Variants in AGBL1 observed in about 807,000 individuals in gnomAD.
AGBL1 encodes cytosolic carboxypeptidase 4.
Under a neutral mutation model 118.9 loss-of-function variants are expected in AGBL1, and 130 were observed. That is an observed-to-expected ratio of 1.09 (90% CI 0.95 to 1.26). AGBL1 has a LOEUF of 1.26. AGBL1 is among the 50% of genes most tolerant of loss of function. The probability of loss-of-function intolerance (pLI) is 0.00; values close to 1 mark genes in which losing one functional copy is unlikely to be tolerated. For synonymous variants in AGBL1, 555 were observed against 478.9 expected, an observed-to-expected ratio of 1.16 and a Z score of -2.08; for missense variants, 1,584 against 1,298.1, an observed-to-expected ratio of 1.22 and a Z score of -3.38.
intron 23 of AGBL1, among the ~76,000 whole-genome samples, chr15:86,962,434 T>A (rs1021947350): frequency 3.9e-5 from 6 of 152,244 alleles, no homozygotes; most frequent in Non-Finnish European, 7.4e-5. Context: ...AACATCTTTT[T>A]TTTAATCATA....
chr15:86,779,524 C>T (rs79570421), intron 22 of AGBL1, among the ~76,000 whole-genome samples: 27 of 151,996 alleles, frequency 1.8e-4, no homozygotes, highest in East Asian at 3.9e-4. Context: ...CAGTATTGTA[C>T]CTGTCTTTTG....
At chr15:86,152,295 A>T (rs1372317688) in intron 3 of AGBL1, among the ~76,000 whole-genome samples, 1 of 152,236 alleles carries the variant, frequency 6.6e-6, no homozygotes, top group African/African-American at 2.4e-5. Flanking sequence ...TAACCAAAAC[A>T]GCATGGTACT....
chr15:86,241,869 C>T (rs548685718), intron 6 of AGBL1, among the ~76,000 whole-genome samples: 1 of 152,242 alleles, frequency 6.6e-6, no homozygotes, highest in Non-Finnish European at 1.5e-5. Context: ...AGCTTCTGTT[C>T]TTCTTGTTGT....
chr15:86,737,830 TA>T (rs1292573704), intron 22 of AGBL1, among the ~76,000 whole-genome samples: 1 of 152,232 alleles, frequency 6.6e-6, no homozygotes, highest in African/African-American at 2.4e-5. Context: ...TGCAGTATTT[TA>T]AAATGTAAAT....
chr15:86,378,830 C>A (rs951212477), intron 17 of AGBL1, among the ~76,000 whole-genome samples: 3 of 152,062 alleles, frequency 2.0e-5, no homozygotes, highest in African/African-American at 7.2e-5. Context: ...TGGAGGAGTT[C>A]ACCTGGACGC....
intron 18 of AGBL1, among the ~76,000 whole-genome samples, chr15:86,458,687 T>A (rs989900860): frequency 2.6e-5 from 4 of 152,174 alleles, no homozygotes; most frequent in African/African-American, 7.2e-5. Context: ...ATTTAAGAGA[T>A]GAGAACATTA....
chr15:86,967,920 A>G (rs1440209579), intron 23 of AGBL1, among the ~76,000 whole-genome samples: 1 of 152,118 alleles, frequency 6.6e-6, no homozygotes, highest in Non-Finnish European at 1.5e-5. Context: ...CTTGGGCAGT[A>G]TGGCCATTTT....
At chr15:86,395,448 G>A (rs1032897804) in intron 17 of AGBL1, among the ~76,000 whole-genome samples, 1 of 152,016 alleles carries the variant, frequency 6.6e-6, no homozygotes, top group African/African-American at 2.4e-5. Context: ...CTATTTTGGT[G>A]TTTTGTATAC....
chr15:86,377,721 T>G lies in AGBL1; in HGVS notation c.2375-19645T>G, dbSNP rs1436783500. 6.6e-5 allele frequency among the ~76,000 whole-genome samples: 10 copies of G among 152,266 alleles called. No homozygotes were observed. The South Asian group carries it at 2.1e-3, about 32-fold the overall frequency. On this transcript the variant is annotated intron_variant, in intron 17 of 22. Transcript: ENST00000614907. ...TAGGTTAGGGCCGCCCTCGTCCAGGTGGGGGCTGCCATGCTCACTAGGTCC... is the reference window on the plus strand; with the variant it reads ...TAGGTTAGGGCCGCCCTCGTCCAGGGGGGGGCTGCCATGCTCACTAGGTCC...
intron 17 of AGBL1, among the ~76,000 whole-genome samples, chr15:86,355,045 G>A (rs575169335): frequency 2.2e-4 from 34 of 152,172 alleles, no homozygotes; most frequent in Non-Finnish European, 4.4e-4. Flanking sequence ...AAAGAAATCT[G>A]AATAAGGCCA....
intron 22 of AGBL1, among the ~76,000 whole-genome samples, chr15:86,836,426 A>T (rs1447838790): frequency 1.3e-5 from 2 of 152,158 alleles, no homozygotes; most frequent in African/African-American, 2.4e-5. Flanking sequence ...AAATTAATTA[A>T]CACAGTGTAA....
intron 22 of AGBL1, among the ~76,000 whole-genome samples, chr15:86,830,520 G>C (rs1390010887): frequency 6.6e-6 from 1 of 152,128 alleles, no homozygotes; most frequent in Non-Finnish European, 1.5e-5. Flanking sequence ...CCCTGTGTTG[G>C]TGCAATCAGT....
intron 24 of AGBL1, among the ~76,000 whole-genome samples, chr15:87,022,970 A>C (rs893237275): frequency 2.6e-5 from 4 of 152,088 alleles, no homozygotes; most frequent in Admixed American, 2.0e-4. Flanking sequence ...AGTGCTCTAA[A>C]TTTTGAAACA....
chr15:86,632,795 G>A (rs1466699717), intron 21 of AGBL1, among the ~76,000 whole-genome samples: 1 of 82,362 alleles, frequency 1.2e-5, no homozygotes, highest in Admixed American at 1.4e-4. Flanking sequence ...TCTTCTGCCA[G>A]CGTAGTTTTG....
intron 18 of AGBL1, among the ~76,000 whole-genome samples, chr15:86,413,056 T>C (rs984216487): frequency 6.6e-6 from 1 of 152,226 alleles, no homozygotes; most frequent in Non-Finnish European, 1.5e-5. Context: ...TTATTTTGAT[T>C]CTAGATCCTG....
chr15:86,766,628 C>T (rs1326882634), intron 22 of AGBL1, among the ~76,000 whole-genome samples: 1 of 151,614 alleles, frequency 6.6e-6, no homozygotes, highest in Non-Finnish European at 1.5e-5. Context: ...GCCAAGATTC[C>T]CTTATTCATC....
chr15:86,857,650 T>C (rs76036244), intron 22 of AGBL1, among the ~76,000 whole-genome samples: 10 of 152,264 alleles, frequency 6.6e-5, no homozygotes, highest in Non-Finnish European at 1.3e-4. Flanking sequence ...AGAGTAGTCA[T>C]TTGCTGTTTT....
intron 18 of AGBL1, among the ~76,000 whole-genome samples, chr15:86,519,608 C>G (rs545998593): frequency 6.6e-6 from 1 of 152,134 alleles, no homozygotes; most frequent in African/African-American, 2.4e-5. Context: ...TTATAATAAC[C>G]TGCATTTGCA....
chr15:86,296,850 T>G (rs923648352), intron 17 of AGBL1: 10 of 152,150 alleles, frequency 6.6e-5, no homozygotes, highest in African/African-American at 2.2e-4. Flanking sequence ...GAACAATTAT[T>G]TATTTAAGAA....
Sources: allele counts gnomAD v4.1 joint callset (sites outside exome capture counted in the v4.1 genomes callset), GRCh38; gene constraint gnomAD v4.1.1; transcripts MANE v1.5; gene names NCBI Gene and HGNC (gene_info 2026-07-23, HGNC 2026-07-21).